ENO4: variants seen among roughly 807,000 people sequenced by gnomAD.
The protein encoded by ENO4 is enolase 4.
ENO4 carries 53 observed loss-of-function variants against 63.2 expected under a neutral mutation model. That is an observed-to-expected ratio of 0.84 (90% CI 0.67 to 1.05). ENO4 has a LOEUF of 1.05. ENO4 is among the 50% of genes least tolerant of loss of function. ENO4 has a pLI of 0.00. For synonymous variants in ENO4, 266 were observed against 283.8 expected (o/e 0.94, Z 0.63); for missense variants, 719 against 772.0 (o/e 0.93, Z 0.81).
intron 10 of ENO4, among the ~76,000 whole-genome samples, chr10:116,899,544 TGTGA>T (rs751761412): frequency 1.3e-4 from 13 of 99,164 alleles, no homozygotes; most frequent in African/African-American, 2.2e-4. Flanking sequence ...TGTGTGTGTG[TGTGA>T]GAGAGTGCAT....
At chr10:116,854,612 C>T (rs147130378) in intron 1 of ENO4, among the ~76,000 whole-genome samples, 11 of 149,328 alleles carry the variant, frequency 7.4e-5, no homozygotes, top group East Asian at 6.0e-4. Flanking sequence ...AATTTGAATG[C>T]GTCATGGTGT....
chr10:116,905,287 C>T (rs1847926210), intron 10 of ENO4, among the ~76,000 whole-genome samples: 1 of 151,472 alleles, frequency 6.6e-6, no homozygotes, highest in East Asian at 1.9e-4. Flanking sequence ...GACTCAAGCA[C>T]TGATTAAGTC....
At chr10:116,888,176 T>C (rs1000595293) in intron 10 of ENO4, among the ~76,000 whole-genome samples, 8 of 152,086 alleles carry the variant, frequency 5.3e-5, no homozygotes, top group African/African-American at 1.9e-4. Flanking sequence ...GAGGACAGAT[T>C]CCTTTATTTT....
chr10:116,854,335 G>A (rs866304243), intron 1 of ENO4, among the ~76,000 whole-genome samples: 5 of 152,030 alleles, frequency 3.3e-5, no homozygotes, highest in Admixed American at 6.6e-5. Context: ...TGAGGCAGGC[G>A]GATCACGAGG....
At chr10:116,877,882 T>TCCCATGACA (rs1425724252) in intron 11 of ENO4, among the ~76,000 whole-genome samples, 1 of 152,222 alleles carries the variant, frequency 6.6e-6, no homozygotes, top group East Asian at 1.9e-4. Flanking sequence ...TAGGCAACTT[T>TCCCATGACA]CCCATGACAC....
At chr10:116,854,791 A>G (rs1160237503) in intron 1 of ENO4, among the ~76,000 whole-genome samples, 1 of 151,394 alleles carries the variant, frequency 6.6e-6, no homozygotes, top group African/African-American at 2.4e-5. Context: ...AAATGTAAAA[A>G]TTAGCCGGGT....
chr10:116,899,553 G>C (rs999638382), intron 10 of ENO4, among the ~76,000 whole-genome samples: 57 of 140,852 alleles, frequency 4.0e-4, no homozygotes, highest in Middle Eastern at 3.7e-3. Context: ...GTGTGAGAGA[G>C]TGCATGCATA....
intron 7 of ENO4, among the ~76,000 whole-genome samples, chr10:116,866,537 G>A (rs1475100982): frequency 1.3e-5 from 2 of 152,312 alleles, no homozygotes; most frequent in Admixed American, 1.3e-4. Context: ...TTAAATGCCT[G>A]TCTTGGCCAA....
chr10:116,849,531 C>A lies in ENO4; in HGVS notation c.-36C>A. On this transcript the variant is annotated 5_prime_UTR_variant, in exon 1 of 14. Coordinates refer to ENST00000341276, the MANE Select transcript of ENO4 (RefSeq NM_001242699.2). ...GACAGCAGGGACGCTCGTGGGACCCCAGGCTAAACCCCGCTGTAGCCTTAA... is the reference window on the plus strand; with the variant it reads ...GACAGCAGGGACGCTCGTGGGACCCAAGGCTAAACCCCGCTGTAGCCTTAA... 1 of 1,474,596 alleles carries A rather than the reference C, an allele frequency of 6.8e-7. No individual in the cohort carries two copies. Among genetic ancestry groups the A allele is most frequent in the Non-Finnish European group, 9.0e-7 (1 of 1,108,964 alleles). 91.3% of individuals were successfully genotyped at this position (1,474,596 alleles called of 1,614,324 possible). A position where few individuals can be genotyped will look rare whatever the true frequency, so the allele number is the denominator to read the frequency against.
At chr10:116,873,262 T>TAATTCCAATGGAATCCATTCTA (rs1181345672) in intron 9 of ENO4, among the ~76,000 whole-genome samples, 1 of 152,186 alleles carries the variant, frequency 6.6e-6, no homozygotes, top group Non-Finnish European at 1.5e-5. Context: ...GGAAGCTGCT[T>TAATTCCAATGGAATCCATTCTA]AATTCCAATG....
At chr10:116,902,818 G>A (rs1294707597) in intron 10 of ENO4, among the ~76,000 whole-genome samples, 1 of 152,208 alleles carries the variant, frequency 6.6e-6, no homozygotes, top group Non-Finnish European at 1.5e-5. Context: ...CCAGTAAGAA[G>A]AGCACAAAAC....
intron 1 of ENO4, 102 bp downstream of exon 1, chr10:116,849,833 T>G: frequency 3.8e-6 from 5 of 1,329,788 alleles, no homozygotes; most frequent in Non-Finnish European, 5.1e-6. Context: ...GAATCTCGCA[T>G]GCCAGCCGCC....
intron 13 of ENO4, among the ~76,000 whole-genome samples, chr10:116,880,925 AC>A (rs201896184): frequency 8.6e-4 from 131 of 152,222 alleles, no homozygotes; most frequent in Non-Finnish European, 1.5e-3. Flanking sequence ...CACAGGCTCC[AC>A]CCCTCTGTGG....
At chr10:116,896,490 T>G (rs1390465856) in intron 10 of ENO4, among the ~76,000 whole-genome samples, 2 of 152,180 alleles carry the variant, frequency 1.3e-5, no homozygotes, top group Non-Finnish European at 2.9e-5. Context: ...GTAAATGTGA[T>G]TGGCAGGCAT....
At chr10:116,864,233 G>A (rs574921618) in intron 7 of ENO4, 1 of 152,392 alleles carries the variant, frequency 6.6e-6, no homozygotes, top group East Asian at 1.9e-4. Flanking sequence ...AACACTTTGG[G>A]AGGCCAAGGC....
At chr10:116,878,741 TC>T (rs1435656894) in intron 11 of ENO4, among the ~76,000 whole-genome samples, 15 of 70,378 alleles carry the variant, frequency 2.1e-4, no homozygotes, top group African/African-American at 5.8e-4. Flanking sequence ...AAATCATATA[TC>T]TTTTTTTTTT....
intron 8 of ENO4, among the ~76,000 whole-genome samples, chr10:116,869,543 G>T (rs981455944): frequency 6.6e-6 from 1 of 152,184 alleles, no homozygotes. Flanking sequence ...GATCAGGAGA[G>T]AGAAGAGAAA....
intron 10 of ENO4, among the ~76,000 whole-genome samples, chr10:116,906,394 G>C (rs1229256762): frequency 6.6e-6 from 1 of 152,114 alleles, no homozygotes; most frequent in Non-Finnish European, 1.5e-5. Flanking sequence ...AAACAAATCA[G>C]ATCTATAAAT....
intron 10 of ENO4, among the ~76,000 whole-genome samples, chr10:116,907,229 G>A (rs1471156894): frequency 3.3e-5 from 5 of 152,126 alleles, no homozygotes; most frequent in East Asian, 3.9e-4. Flanking sequence ...TGTCCGTGGC[G>A]TCGTAGCTGT....
Sources: gnomAD v4.1 joint callset for allele counts (sites outside exome capture counted in the v4.1 genomes callset) on GRCh38, gnomAD v4.1.1 for gene constraint, MANE v1.5 for transcripts, NCBI Gene and HGNC (gene_info 2026-07-23, HGNC 2026-07-21) for gene names.